The following SCHIP1 variants were observed in gnomAD, a reference collection of about 807,000 sequenced individuals.
The protein encoded by SCHIP1 is schwannomin interacting protein 1, also known as schwannomin-interacting protein 1.
In SCHIP1, 8 loss-of-function variants were observed where a neutral mutation model predicts 29.7. The observed-to-expected ratio is 0.27, with a 90% CI of 0.16 to 0.49. The LOEUF (loss-of-function observed/expected upper bound fraction) is 0.49. Among genes scored for constraint, SCHIP1 ranks in the 20% least tolerant of loss-of-function variants. The pLI is 0.99. For missense variants in SCHIP1, 193 were observed against 294.6 expected (o/e 0.66, Z 2.52); for synonymous variants, 76 against 94.9 (o/e 0.80, Z 1.16).
chr3:159,879,634 C>T (rs75183087), intron 2 of SCHIP1, among the ~76,000 whole-genome samples: 1,737 of 152,270 alleles, frequency 0.011, 28 homozygotes, highest in African/African-American at 0.04. Context: ...GAAGAGGCCT[C>T]GTTCTGGTCT....
the SCHIP1 span, among the ~76,000 whole-genome samples, chr3:159,813,637 G>T: frequency 6.6e-5 from 10 of 151,906 alleles, no homozygotes; most frequent in Non-Finnish European, 1.5e-5. Context: ...GCACTGAGGA[G>T]CGATCACACC....
chr3:159,390,598 A>C, the SCHIP1 span, among the ~76,000 whole-genome samples: 1 of 152,136 alleles, frequency 6.6e-6, no homozygotes, highest in Non-Finnish European at 1.5e-5. Flanking sequence ...GCTTCTGTGA[A>C]AGTTAACATA....
chr3:159,722,638 G>A, the SCHIP1 span, among the ~76,000 whole-genome samples: 2 of 152,106 alleles, frequency 1.3e-5, no homozygotes, highest in Admixed American at 6.6e-5. Flanking sequence ...GTGTGTGTGC[G>A]AGAGAGAAGC....
At chr3:159,424,911 T>C in the SCHIP1 span, among the ~76,000 whole-genome samples, 1 of 152,132 alleles carries the variant, frequency 6.6e-6, no homozygotes, top group Non-Finnish European at 1.5e-5. Context: ...AAAAGGATTT[T>C]CAAGCCAGAA....
chr3:159,603,295 G>C, the SCHIP1 span, among the ~76,000 whole-genome samples: 50 of 152,198 alleles, frequency 3.3e-4, no homozygotes, highest in African/African-American at 9.6e-4. Context: ...GCTATCAGAA[G>C]CTCACTGAAC....
At chr3:159,358,919 C>A in the SCHIP1 span, among the ~76,000 whole-genome samples, 1 of 136,926 alleles carries the variant, frequency 7.3e-6, no homozygotes, top group African/African-American at 2.9e-5. Context: ...GTATTAGCAT[C>A]CTTTTTTTTT....
the SCHIP1 span, among the ~76,000 whole-genome samples, chr3:159,632,524 C>T: frequency 6.6e-6 from 1 of 152,198 alleles, no homozygotes; most frequent in South Asian, 2.1e-4. Context: ...AGGAGGGAAG[C>T]TAATTTTGTT....
Position 159,866,285 on chromosome 3 carries a change from A to G in SCHIP1, c.149+4A>G. 6.2e-7 allele frequency: 1 copy of G among 1,612,692 alleles called. No individual in the cohort carries two copies. Among genetic ancestry groups the G allele is most frequent in the Non-Finnish European group, 8.5e-7 (1 of 1,179,084 alleles). ...GGAAGCCAAGCCTTTCCTCCCGGTG[A>G]GTGTTCTTTTGAGTTGAATTTCTGA... On this transcript the variant is annotated splice_donor_region_variant and intron_variant, in intron 2 of 6. Transcript: ENST00000445224.
At chr3:159,844,554 CA>C (rs1393578414) in intron 1 of SCHIP1, among the ~76,000 whole-genome samples, 5 of 152,216 alleles carry the variant, frequency 3.3e-5, no homozygotes, top group Non-Finnish European at 7.3e-5. Context: ...CTCCATTTTC[CA>C]GTCTTGGGAG....
chr3:159,653,881 T>C, the SCHIP1 span, among the ~76,000 whole-genome samples: 2 of 152,104 alleles, frequency 1.3e-5, no homozygotes, highest in Non-Finnish European at 2.9e-5. Flanking sequence ...TTTAAGGTGA[T>C]GGATATCCCA....
the SCHIP1 span, among the ~76,000 whole-genome samples, chr3:159,426,796 G>A: frequency 6.6e-6 from 1 of 152,264 alleles, no homozygotes; most frequent in South Asian, 2.1e-4. Flanking sequence ...TAAAATACTG[G>A]CAAACTGAAT....
At chr3:159,335,197 T>G in the SCHIP1 span, among the ~76,000 whole-genome samples, 1 of 152,082 alleles carries the variant, frequency 6.6e-6, no homozygotes, top group Non-Finnish European at 1.5e-5. Context: ...TTATTTACCC[T>G]TGGGGCACTC....
the SCHIP1 span, chr3:159,722,256 G>C: frequency 5.6e-6 from 1 of 177,570 alleles, no homozygotes; most frequent in Non-Finnish European, 1.2e-5. Flanking sequence ...CAGGGCCACA[G>C]CACTCAGCCT....
the SCHIP1 span, among the ~76,000 whole-genome samples, chr3:159,589,583 A>G: frequency 1.3e-5 from 2 of 152,268 alleles, no homozygotes; most frequent in Non-Finnish European, 2.9e-5. Context: ...ATTCAGTATG[A>G]TATTGGCTGT....
chr3:159,820,948 G>A, the SCHIP1 span, among the ~76,000 whole-genome samples: 2 of 152,206 alleles, frequency 1.3e-5, no homozygotes, highest in Non-Finnish European at 2.9e-5. Context: ...ACAGCCACTA[G>A]ACACATGTGG....
At chr3:159,427,197 C>T in the SCHIP1 span, among the ~76,000 whole-genome samples, 1 of 151,562 alleles carries the variant, frequency 6.6e-6, no homozygotes, top group Non-Finnish European at 1.5e-5. Flanking sequence ...AAGTTCTGGC[C>T]AGGGCAATTA....
the SCHIP1 span, among the ~76,000 whole-genome samples, chr3:159,680,250 C>T: frequency 6.6e-6 from 1 of 151,830 alleles, no homozygotes; most frequent in Admixed American, 6.6e-5. Flanking sequence ...GTGGCTAACG[C>T]CTGTAATCCC....
chr3:159,402,324 G>C, the SCHIP1 span, among the ~76,000 whole-genome samples: 289 of 152,166 alleles, frequency 1.9e-3, 1 homozygote, highest in Non-Finnish European at 2.9e-3. Flanking sequence ...CACTTTTACA[G>C]TGTTGGTGGG....
At chr3:159,604,511 T>A in the SCHIP1 span, among the ~76,000 whole-genome samples, 9 of 152,272 alleles carry the variant, frequency 5.9e-5, 1 homozygote, top group South Asian at 1.9e-3. Context: ...CCAGGCACTG[T>A]GCCAGGGGCT....
Sources: gnomAD v4.1 joint callset for allele counts (sites outside exome capture counted in the v4.1 genomes callset) on GRCh38, gnomAD v4.1.1 for gene constraint, MANE v1.5 for transcripts, NCBI Gene and HGNC (gene_info 2026-07-23, HGNC 2026-07-21) for gene names.